Variants in GALNT7 observed in about 807,000 individuals in gnomAD.
GALNT7 encodes N-acetylgalactosaminyltransferase 7.
Under a neutral mutation model 82.1 loss-of-function variants are expected in GALNT7, and 60 were observed. The ratio of observed to expected loss-of-function variants is 0.73; its 90% CI spans 0.59 to 0.91. GALNT7 has a LOEUF of 0.91. Ranked by LOEUF, GALNT7 falls within the 40% of genes least tolerant of loss-of-function variation. The pLI is 0.00. For synonymous variants in GALNT7, 243 were observed against 275.1 expected, an observed-to-expected ratio of 0.88 and a Z score of 1.15; for missense variants, 660 against 804.2, an observed-to-expected ratio of 0.82 and a Z score of 2.17.
At position 173,257,906 on chromosome 4, in the gene GALNT7, G is replaced by A. The variant is rs572928808; in HGVS notation, c.587+9466G>A. On this transcript the variant is annotated intron_variant, in intron 2 of 11. Coordinates refer to ENST00000265000, the MANE Select transcript of GALNT7 (RefSeq NM_017423.3). ...AAAGTGTTGTAGTCTTCAGTAGAAG[G>A]ATGTACTTCAACTTTTGTGAGGCAG... Among the ~76,000 whole-genome samples, 82 of 152,318 alleles carry A rather than the reference G, an allele frequency of 5.4e-4. 1 individual carries two copies. Among genetic ancestry groups the A allele is most frequent in the African/African-American group, 1.5e-3 (64 of 41,572 alleles).
intron 1 of GALNT7, among the ~76,000 whole-genome samples, chr4:173,233,254 T>C (rs894857767): frequency 6.6e-6 from 1 of 152,156 alleles, no homozygotes; most frequent in Admixed American, 6.6e-5. Context: ...AAATACCCAG[T>C]AGTGGGATGG....
intron 10 of GALNT7, 66 bp from the exon 11 acceptor site, chr4:173,318,365 T>C (rs1254587012): frequency 1.9e-5 from 25 of 1,320,320 alleles, no homozygotes; most frequent in Non-Finnish European, 2.6e-5. Context: ...TAAGTTTCTT[T>C]CTTTTCAAAT....
chr4:173,248,097 T>TTAGAGTCTATTATTC lies in GALNT7; in HGVS notation c.256_257insTTCTAGAGTCTATTA (p.Ile85_Arg86insIleLeuGluSerIle). The TTAGAGTCTATTATTC allele has an allele frequency of 6.2e-7, 1 of 1,613,602 alleles. No homozygotes were observed. Among genetic ancestry groups the TTAGAGTCTATTATTC allele is most frequent in the Non-Finnish European group, 8.5e-7 (1 of 1,179,646 alleles). The stretch of plus-strand genomic sequence containing the variant: ...TCATGTTGAAGGAGTAGAAGTGGAC[T>TTAGAGTCTATTATTC]TAGAGTCTATTAGAAGAATAAACAA... On this transcript the variant is annotated inframe_insertion, in exon 2 of 12. Transcript: ENST00000265000.
Position 173,321,745 on chromosome 4 carries a change from CTACT to C in GALNT7, c.*29_*32del, listed in dbSNP as rs757213717. 2.0e-6 allele frequency: 3 copies of C among 1,529,808 alleles called. No homozygotes were observed. Among genetic ancestry groups the C allele is most frequent in the South Asian group, 1.1e-5 (1 of 88,836 alleles). 94.8% of individuals were successfully genotyped at this position (1,529,808 alleles called of 1,614,324 possible). A position where few individuals can be genotyped will look rare whatever the true frequency, so the allele number is the denominator to read the frequency against. ...AGAAAAAAATAAACCAATAACCTAC[CTACT>C]GACAAGTAAATTTATACAGGACTGA... On this transcript the variant is annotated 3_prime_UTR_variant, in exon 12 of 12. Transcript: ENST00000265000.
intron 1 of GALNT7, among the ~76,000 whole-genome samples, chr4:173,245,938 CAATCA>C (rs1337823057): frequency 6.6e-6 from 1 of 152,142 alleles, no homozygotes; most frequent in Non-Finnish European, 1.5e-5. Flanking sequence ...TGAGGTGGGA[CAATCA>C]GAAGGCTGAT....
chr4:173,190,400 G>A (rs1345449012), intron 1 of GALNT7, among the ~76,000 whole-genome samples: 1 of 152,206 alleles, frequency 6.6e-6, no homozygotes, highest in Non-Finnish European at 1.5e-5. Flanking sequence ...GATATTGGGA[G>A]GAATCGTAGT....
Position 173,323,531 on chromosome 4 carries a change from A to C in GALNT7, c.*1814A>C, listed in dbSNP as rs1220251339. On this transcript the variant is annotated 3_prime_UTR_variant, in exon 12 of 12. Transcript: ENST00000265000. ...TGTTTGCAAATAGGCTCCATTTTCC[A>C]TGTTGAGTAGATTATAACCTTATTA... 1 of 152,622 alleles carries C rather than the reference A, an allele frequency of 6.6e-6. No homozygotes were observed. The highest frequency in any genetic ancestry group is 1.5e-5 in the Non-Finnish European group (1 of 68,004). 9.5% of individuals were successfully genotyped at this position (152,622 alleles called of 1,614,324 possible).
At chr4:173,282,908 A>C (rs1246753909) in intron 2 of GALNT7, among the ~76,000 whole-genome samples, 1 of 152,182 alleles carries the variant, frequency 6.6e-6, no homozygotes, top group Non-Finnish European at 1.5e-5. Context: ...CCCAAAAAGG[A>C]AACCTCCAGG....
rs551513015 is a variant in GALNT7 at position 173,291,325 on chromosome 4, C to T, written c.588-783C>T. On this transcript the variant is annotated intron_variant, in intron 2 of 11. Transcript: ENST00000265000. ...CTTCAGTTTCTCTCCAGAAACATTACATCTTCCTACAAGATCTGCTTTTCC... is the reference window on the plus strand; with the variant it reads ...CTTCAGTTTCTCTCCAGAAACATTATATCTTCCTACAAGATCTGCTTTTCC... 2.4e-4 allele frequency among the ~76,000 whole-genome samples: 36 copies of T among 152,314 alleles called. No individual in the cohort carries two copies. In the South Asian group the frequency reaches 7.0e-3, roughly 30 times the overall value.
intron 2 of GALNT7, among the ~76,000 whole-genome samples, chr4:173,257,728 C>A (rs902150014): frequency 7.2e-5 from 11 of 152,120 alleles, no homozygotes; most frequent in African/African-American, 2.7e-4. Flanking sequence ...TGAACCCTGC[C>A]ATTTTAATCA....
intron 1 of GALNT7, among the ~76,000 whole-genome samples, chr4:173,198,763 G>A (rs912262234): frequency 1.4e-4 from 22 of 152,074 alleles, no homozygotes; most frequent in African/African-American, 5.1e-4. Context: ...GGCTGCTTCA[G>A]CGAGGACTGG....
At chr4:173,279,574 G>A (rs1188828337) in intron 2 of GALNT7, among the ~76,000 whole-genome samples, 1 of 152,158 alleles carries the variant, frequency 6.6e-6, no homozygotes, top group African/African-American at 2.4e-5. Context: ...TCAAGTGTCA[G>A]CACTGTTTCT....
chr4:173,279,882 C>G (rs1736049273), intron 2 of GALNT7, among the ~76,000 whole-genome samples: 1 of 151,692 alleles, frequency 6.6e-6, no homozygotes, highest in South Asian at 2.1e-4. Context: ...GGCTGAGGCA[C>G]AAGAATCACT....
chr4:173,285,658 AATTAATTGGCCTTTTT>A (rs1162575630), intron 2 of GALNT7, among the ~76,000 whole-genome samples: 1 of 152,222 alleles, frequency 6.6e-6, no homozygotes, highest in African/African-American at 2.4e-5. Context: ...TTCTTAGGCC[AATTAATTGGCCTTTTT>A]ATAGACTTCA....
At chr4:173,171,970 A>G (rs1731889965) in intron 1 of GALNT7, among the ~76,000 whole-genome samples, 1 of 152,250 alleles carries the variant, frequency 6.6e-6, no homozygotes. Flanking sequence ...AGCAGTAGCA[A>G]ATCCACACAG....
At chr4:173,256,301 T>C (rs1018951995) in intron 2 of GALNT7, among the ~76,000 whole-genome samples, 4 of 152,176 alleles carry the variant, frequency 2.6e-5, no homozygotes, top group Non-Finnish European at 5.9e-5. Flanking sequence ...ACTTTTAATT[T>C]TGGTGAAATT....
At chr4:173,174,647 T>C (rs1206761869) in intron 1 of GALNT7, among the ~76,000 whole-genome samples, 7 of 149,750 alleles carry the variant, frequency 4.7e-5, no homozygotes, top group Non-Finnish European at 8.9e-5. Flanking sequence ...TAAGACCTCA[T>C]GAAGAATACT....
At chr4:173,184,548 G>A (rs1732405514) in intron 1 of GALNT7, among the ~76,000 whole-genome samples, 1 of 146,552 alleles carries the variant, frequency 6.8e-6, no homozygotes, top group Non-Finnish European at 1.5e-5. Flanking sequence ...GATGGCGGCA[G>A]TACAGTCCAG....
intron 1 of GALNT7, among the ~76,000 whole-genome samples, chr4:173,199,229 G>A (rs942583273): frequency 6.6e-6 from 1 of 152,140 alleles, no homozygotes; most frequent in African/African-American, 2.4e-5. Context: ...ACATCTAGGG[G>A]ATTGAGTGAT....
Sources: gnomAD v4.1 joint callset for allele counts (sites outside exome capture counted in the v4.1 genomes callset) on GRCh38, gnomAD v4.1.1 for gene constraint, MANE v1.5 for transcripts, NCBI Gene and HGNC (gene_info 2026-07-23, HGNC 2026-07-21) for gene names.